COP1: variants seen among roughly 807,000 people sequenced by gnomAD.
COP1 encodes COP1 E3 ubiquitin ligase.
COP1 carries 24 observed loss-of-function variants against 101.3 expected under a neutral mutation model. The ratio of observed to expected loss-of-function variants is 0.24; its 90% CI spans 0.17 to 0.33. The LOEUF (loss-of-function observed/expected upper bound fraction) is 0.33. COP1 is among the 10% of genes least tolerant of loss of function. COP1 has a pLI of 1.00. For missense variants in COP1, 663 were observed against 906.2 expected (o/e 0.73, Z 3.45); for synonymous variants, 347 against 341.9 (o/e 1.01, Z -0.17).
intron 14 of COP1, among the ~76,000 whole-genome samples, chr1:176,041,725 G>C (rs1351118480): frequency 6.6e-6 from 1 of 152,154 alleles, no homozygotes; most frequent in Non-Finnish European, 1.5e-5. Flanking sequence ...CAGCACTTTG[G>C]GAAGTCGAGG....
chr1:176,148,599 T>C (rs1432887467), intron 6 of COP1, among the ~76,000 whole-genome samples: 2 of 152,138 alleles, frequency 1.3e-5, no homozygotes, highest in African/African-American at 4.8e-5. Flanking sequence ...AAGTTCTAAA[T>C]AGGTAGCTAT....
chr1:175,953,782 C>G (rs563042253), intron 18 of COP1, among the ~76,000 whole-genome samples: 1 of 151,104 alleles, frequency 6.6e-6, no homozygotes, highest in East Asian at 1.9e-4. Flanking sequence ...AAAAAAAACT[C>G]CTATATACAT....
At chr1:176,096,933 C>T (rs1018421449) in intron 9 of COP1, among the ~76,000 whole-genome samples, 21 of 152,044 alleles carry the variant, frequency 1.4e-4, no homozygotes, top group African/African-American at 4.4e-4. Flanking sequence ...ATTTGTGGCC[C>T]GGGGTTCGAT....
rs189665333 is a variant in COP1 at position 176,047,299 on chromosome 1, C to T, written c.1278-975G>A. Among the ~76,000 whole-genome samples, 148 of 152,282 alleles carry T rather than the reference C, an allele frequency of 9.7e-4. 1 individual carries two copies. Among genetic ancestry groups the T allele is most frequent in the African/African-American group, 3.2e-3 (132 of 41,562 alleles). On this transcript the variant is annotated intron_variant, in intron 11 of 19. Coordinates refer to ENST00000367669, the MANE Select transcript of COP1 (RefSeq NM_022457.7). ...TTACTAAAACATTTTGCATGTATTACCTCATTTAGTCCTCATAACAACCTG... is the reference window on the plus strand; with the variant it reads ...TTACTAAAACATTTTGCATGTATTATCTCATTTAGTCCTCATAACAACCTG...
At chr1:176,103,152 C>A (rs866351996) in intron 9 of COP1, among the ~76,000 whole-genome samples, 1 of 152,238 alleles carries the variant, frequency 6.6e-6, no homozygotes, top group African/African-American at 2.4e-5. Context: ...GTTCCTCACA[C>A]ACAGTTCCTA....
intron 15 of COP1, among the ~76,000 whole-genome samples, chr1:176,025,249 T>C (rs932127725): frequency 3.3e-5 from 5 of 152,068 alleles, no homozygotes; most frequent in African/African-American, 1.2e-4. Context: ...TGGGGGAGGA[T>C]GCTATCACTA....
At chr1:176,061,605 A>G (rs1207076757) in intron 11 of COP1, among the ~76,000 whole-genome samples, 1 of 152,200 alleles carries the variant, frequency 6.6e-6, no homozygotes, top group African/African-American at 2.4e-5. Context: ...CAGCCTGGGC[A>G]GCAAGAGTGA....
rs117390399 is a variant in COP1 at position 176,072,406 on chromosome 1, C to T, written c.1277+8746G>A. On this transcript the variant is annotated intron_variant, in intron 11 of 19. Coordinates refer to ENST00000367669, the MANE Select transcript of COP1 (RefSeq NM_022457.7). ...AAGGCCCCTGCCTAGATGAATCTCT[C>T]AGCCTAAAACACAGCTTTAAAAATA... 2.1e-4 allele frequency among the ~76,000 whole-genome samples: 32 copies of T among 152,330 alleles called. No individual in the cohort carries two copies. The East Asian group carries it at 6.0e-3, about 28-fold the overall frequency.
At chr1:176,160,526 C>T (rs1694164434) in intron 5 of COP1, among the ~76,000 whole-genome samples, 1 of 151,516 alleles carries the variant, frequency 6.6e-6, no homozygotes, top group South Asian at 2.1e-4. Context: ...ACCCATCTGA[C>T]AAAGATCTAA....
At chr1:176,087,863 C>T (rs562334192) in intron 9 of COP1, among the ~76,000 whole-genome samples, 2 of 152,228 alleles carry the variant, frequency 1.3e-5, no homozygotes, top group East Asian at 1.9e-4. Flanking sequence ...CTCAAATGTC[C>T]ATCAATGATA....
intron 1 of COP1, 35 bp from the exon 2 acceptor site, chr1:176,184,727 A>G (rs564502898): frequency 6.9e-7 from 1 of 1,459,750 alleles, no homozygotes; most frequent in Admixed American, 1.8e-5. Flanking sequence ...ATTTTTTTTT[A>G]AAAGTAGAGT....
chr1:176,026,785 G>A (rs968059719), intron 15 of COP1, among the ~76,000 whole-genome samples: 2 of 151,362 alleles, frequency 1.3e-5, no homozygotes, highest in Non-Finnish European at 2.9e-5. Flanking sequence ...GTAAAACCCT[G>A]ATATTATTAA....
chr1:176,113,149 C>A (rs146153480), intron 9 of COP1, among the ~76,000 whole-genome samples: 3 of 152,082 alleles, frequency 2.0e-5, no homozygotes, highest in Non-Finnish European at 2.9e-5. Context: ...AATGGCTGTA[C>A]GACTTTACAT....
intron 12 of COP1, among the ~76,000 whole-genome samples, chr1:176,044,928 T>C (rs1247446732): frequency 1.3e-5 from 2 of 152,206 alleles, no homozygotes; most frequent in Non-Finnish European, 2.9e-5. Context: ...TATGAGTACT[T>C]GCCATGGGCC....
chr1:175,976,450 G>A (rs1000189622), intron 18 of COP1, among the ~76,000 whole-genome samples: 1 of 151,536 alleles, frequency 6.6e-6, no homozygotes, highest in African/African-American at 2.4e-5. Flanking sequence ...CCTAATTATT[G>A]TATTTTTAGT....
chr1:175,978,860 A>G (rs1655165851), intron 18 of COP1, among the ~76,000 whole-genome samples: 1 of 152,156 alleles, frequency 6.6e-6, no homozygotes, highest in African/African-American at 2.4e-5. Flanking sequence ...AAAATAAGAA[A>G]CACCTTTATA....
intron 1 of COP1, among the ~76,000 whole-genome samples, chr1:176,195,588 T>A (rs1324657336): frequency 6.6e-6 from 1 of 152,106 alleles, no homozygotes; most frequent in Non-Finnish European, 1.5e-5. Context: ...CGAGTCTCTA[T>A]AAAAAGGACT....
intron 15 of COP1, among the ~76,000 whole-genome samples, chr1:175,995,705 T>C (rs1429336084): frequency 6.6e-6 from 1 of 152,098 alleles, no homozygotes. Flanking sequence ...AGGAAGAAAT[T>C]GAATCTCTGA....
At chr1:176,043,054 G>GAAT (rs1417394227) in intron 14 of COP1, 132 bp downstream of exon 14, 2 of 650,712 alleles carry the variant, frequency 3.1e-6, no homozygotes, top group Non-Finnish European at 5.5e-6. Flanking sequence ...ACAACATGGG[G>GAAT]AATAATAATA....
Sources: gnomAD v4.1 joint callset for allele counts (sites outside exome capture counted in the v4.1 genomes callset) on GRCh38, gnomAD v4.1.1 for gene constraint, MANE v1.5 for transcripts, NCBI Gene and HGNC (gene_info 2026-07-23, HGNC 2026-07-21) for gene names.